The following PRKN variants were observed in gnomAD, a reference collection of about 807,000 sequenced individuals.
The protein encoded by PRKN is parkin RBR E3 ubiquitin protein ligase.
PRKN carries 56 observed loss-of-function variants against 59.5 expected under a neutral mutation model. The ratio of observed to expected loss-of-function variants is 0.94; its 90% CI spans 0.76 to 1.18. The LOEUF is 1.18. Among genes scored for constraint, PRKN ranks in the 50% most tolerant of loss-of-function variants. The pLI is 0.00. For synonymous variants in PRKN, 250 were observed against 222.1 expected, an observed-to-expected ratio of 1.13 and a Z score of -1.12; for missense variants, 657 against 596.4, an observed-to-expected ratio of 1.10 and a Z score of -1.06.
intron 2 of PRKN, among the ~76,000 whole-genome samples, chr6:162,291,252 T>C (rs941148447): frequency 2.6e-5 from 4 of 152,102 alleles, no homozygotes; most frequent in African/African-American, 9.7e-5. Flanking sequence ...CTTCAGGCTT[T>C]GCTCTTCCTG....
chr6:162,165,238 TAGG>T (rs2128317901), intron 4 of PRKN, among the ~76,000 whole-genome samples: 1 of 147,876 alleles, frequency 6.8e-6, no homozygotes, highest in African/African-American at 2.6e-5. Flanking sequence ...GAAAAAAAAA[TAGG>T]AGAATATTTC....
intron 7 of PRKN, among the ~76,000 whole-genome samples, chr6:161,650,586 G>A (rs756440921): frequency 1.3e-5 from 2 of 152,260 alleles, no homozygotes; most frequent in Admixed American, 6.5e-5. Context: ...AATGGAGACC[G>A]AGAGAGATTG....
intron 1 of PRKN, among the ~76,000 whole-genome samples, chr6:162,596,399 A>G (rs967577885): frequency 2.6e-5 from 4 of 152,212 alleles, no homozygotes; most frequent in African/African-American, 9.6e-5. Context: ...TGAAAGGAAT[A>G]ATTGTTACCA....
Position 161,545,953 on chromosome 6 carries a change from T to C in PRKN, c.1083+2901A>G, listed in dbSNP as rs1287892288. 6.6e-6 allele frequency among the ~76,000 whole-genome samples: 1 copy of C among 152,186 alleles called. No homozygotes were observed. The highest frequency in any genetic ancestry group is 1.5e-5 in the Non-Finnish European group (1 of 68,032). On this transcript the variant is annotated intron_variant, in intron 9 of 11. Coordinates refer to ENST00000366898, the MANE Select transcript of PRKN (RefSeq NM_004562.3). The surrounding 1 kb of genome is among the most constrained non-coding windows in gnomAD (Gnocchi z 4.1). Reference sequence around the variant, plus strand: ...ATCACAATATAAACAAATGGCATGGTGGCAAAGTAGTATTTAGGAAAAGCA... The same window carrying C: ...ATCACAATATAAACAAATGGCATGGCGGCAAAGTAGTATTTAGGAAAAGCA...
intron 7 of PRKN, among the ~76,000 whole-genome samples, chr6:161,689,063 A>G (rs543935274): frequency 1.3e-5 from 2 of 152,326 alleles, no homozygotes; most frequent in South Asian, 4.1e-4. Flanking sequence ...AGAGAAATTT[A>G]ATATAGCACT....
At chr6:162,379,879 G>C (rs1786332903) in intron 2 of PRKN, among the ~76,000 whole-genome samples, 1 of 152,172 alleles carries the variant, frequency 6.6e-6, no homozygotes, top group Non-Finnish European at 1.5e-5. Flanking sequence ...AGACTTCTGA[G>C]GTAGCTGATG....
At chr6:161,490,558 T>C (rs895175721) in intron 9 of PRKN, among the ~76,000 whole-genome samples, 2 of 151,902 alleles carry the variant, frequency 1.3e-5, no homozygotes, top group African/African-American at 4.8e-5. Context: ...GCTCAGCTAA[T>C]TTTTGTATTT....
intron 6 of PRKN, among the ~76,000 whole-genome samples, chr6:161,879,510 C>T (rs1169824636): frequency 6.6e-6 from 1 of 151,946 alleles, no homozygotes; most frequent in Non-Finnish European, 1.5e-5. Context: ...ACCACACCAG[C>T]TAACTTTTTG....
At chr6:162,430,162 G>GACA (rs1195663915) in intron 2 of PRKN, among the ~76,000 whole-genome samples, 5 of 130,338 alleles carry the variant, frequency 3.8e-5, no homozygotes, top group East Asian at 5.1e-4. Flanking sequence ...TGACGATGAC[G>GACA]ACGACGACGA....
chr6:162,299,162 C>T (rs10945808), intron 2 of PRKN, among the ~76,000 whole-genome samples: 13,095 of 152,222 alleles, frequency 0.086, 738 homozygotes, highest in South Asian at 0.24. Flanking sequence ...ACCTTAACAG[C>T]GAAGACGCAT....
At chr6:162,149,118 C>A (rs995857226) in intron 4 of PRKN, among the ~76,000 whole-genome samples, 1 of 152,130 alleles carries the variant, frequency 6.6e-6, no homozygotes, top group South Asian at 2.1e-4. Context: ...CCCAGTAGGA[C>A]AATTCATTGT....
chr6:162,147,476 A>C (rs765034973), intron 4 of PRKN, among the ~76,000 whole-genome samples: 3 of 152,098 alleles, frequency 2.0e-5, no homozygotes, highest in Non-Finnish European at 4.4e-5. Flanking sequence ...CATTCTCATG[A>C]CATCTGACAC....
intron 1 of PRKN, among the ~76,000 whole-genome samples, chr6:162,492,574 G>A (rs945321751): frequency 1.3e-5 from 2 of 152,200 alleles, no homozygotes; most frequent in Non-Finnish European, 2.9e-5. Flanking sequence ...CGAGGCAGGT[G>A]GATTGCCTGA....
intron 1 of PRKN, among the ~76,000 whole-genome samples, chr6:162,588,449 CAGGAAATGGG>C (rs1781158417): frequency 6.6e-6 from 1 of 152,098 alleles, no homozygotes; most frequent in South Asian, 2.1e-4. Context: ...CTGAGTTTCC[CAGGAAATGGG>C]AACTTCATAA....
intron 6 of PRKN, among the ~76,000 whole-genome samples, chr6:161,885,664 CAAAA>C (rs57209835): frequency 0.041 from 4,628 of 114,198 alleles, 138 homozygotes; most frequent in African/African-American, 0.11. Flanking sequence ...GACTCTGTCT[CAAAA>C]AAAAAAAAAA....
At chr6:161,785,719 T>G in intron 7 of PRKN, 53 bp downstream of exon 7, 1 of 1,575,602 alleles carries the variant, frequency 6.3e-7, no homozygotes, top group Non-Finnish European at 8.7e-7. Flanking sequence ...TCAATAATTG[T>G]TCTTCTGTTC....
At chr6:161,780,189 C>T (rs1176350687) in intron 7 of PRKN, among the ~76,000 whole-genome samples, 1 of 152,140 alleles carries the variant, frequency 6.6e-6, no homozygotes, top group African/African-American at 2.4e-5. Context: ...AAGAACCTTG[C>T]CCTGTATTAT....
intron 3 of PRKN, among the ~76,000 whole-genome samples, chr6:162,202,339 G>A (rs1410702539): frequency 3.9e-5 from 6 of 152,066 alleles, no homozygotes; most frequent in Non-Finnish European, 7.4e-5. Flanking sequence ...TTTACAAAAA[G>A]AGCTTTTGCA....
At chr6:161,625,815 G>T (rs1783064736) in intron 7 of PRKN, among the ~76,000 whole-genome samples, 1 of 152,058 alleles carries the variant, frequency 6.6e-6, no homozygotes, top group Non-Finnish European at 1.5e-5. Flanking sequence ...CTATTCATAG[G>T]CCAGGCCTCC....
Sources: allele counts gnomAD v4.1 joint callset (sites outside exome capture counted in the v4.1 genomes callset), GRCh38; gene constraint gnomAD v4.1.1; non-coding constraint Gnocchi (gnomAD v3.1); transcripts MANE v1.5; gene names NCBI Gene and HGNC (gene_info 2026-07-23, HGNC 2026-07-21).